The following CADM1 variants were observed in gnomAD, a reference collection of about 807,000 sequenced individuals.
CADM1 encodes the protein TSLC-1.
CADM1 carries 15 observed loss-of-function variants against 53.1 expected under a neutral mutation model. The observed-to-expected ratio is 0.28, with a 90% CI of 0.19 to 0.44. CADM1 has a LOEUF of 0.44. Ranked by LOEUF, CADM1 falls within the 20% of genes least tolerant of loss-of-function variation. CADM1 has a pLI of 1.00. For synonymous variants in CADM1, 281 were observed against 243.0 expected, an observed-to-expected ratio of 1.16 and a Z score of -1.45; for missense variants, 434 against 611.3, an observed-to-expected ratio of 0.71 and a Z score of 3.06.
Position 115,480,480 on chromosome 11 carries a change from G to A in CADM1, c.124+23791C>T, listed in dbSNP as rs140624839. 2.0e-5 allele frequency among the ~76,000 whole-genome samples: 3 copies of A among 152,232 alleles called. No homozygotes were observed. The East Asian group carries it at 5.8e-4, about 29-fold the overall frequency. On this transcript the variant is annotated intron_variant, in intron 1 of 11. Transcript: ENST00000331581. ...TTTACAAGATGAGGGAGTTCTGTGT[G>A]CTCTCTAAAGTCCCCTTCAGCTCTA...
At chr11:115,320,319 T>C (rs1320594130) in intron 1 of CADM1, among the ~76,000 whole-genome samples, 8 of 152,168 alleles carry the variant, frequency 5.3e-5, no homozygotes, top group Non-Finnish European at 1.0e-4. Flanking sequence ...CGTCTTGGCA[T>C]CCCAAAGTGC....
intron 1 of CADM1, among the ~76,000 whole-genome samples, chr11:115,306,741 T>G (rs1944385415): frequency 6.6e-6 from 1 of 151,962 alleles, no homozygotes; most frequent in African/African-American, 2.4e-5. Flanking sequence ...TAACCAAAGC[T>G]TTAATACAAG....
intron 1 of CADM1, among the ~76,000 whole-genome samples, chr11:115,475,057 G>A (rs1183951746): frequency 6.6e-6 from 1 of 152,076 alleles, no homozygotes; most frequent in African/African-American, 2.4e-5. Context: ...CAGTATTCAT[G>A]AGAGACTGGG....
intron 1 of CADM1, among the ~76,000 whole-genome samples, chr11:115,262,925 T>A (rs1172214743): frequency 6.6e-6 from 1 of 152,238 alleles, no homozygotes; most frequent in Non-Finnish European, 1.5e-5. Flanking sequence ...CTTATTTAGC[T>A]GTGGTACAGT....
Position 115,238,698 on chromosome 11 carries a change from A to G in CADM1, c.272-46T>C, listed in dbSNP as rs202111248. Reference sequence around the variant, plus strand: ...TTAGTGATTGTGAGAAGGTGGACGGACAGTCTATTTTCCTTAATTATTTAT... The same window carrying G: ...TTAGTGATTGTGAGAAGGTGGACGGGCAGTCTATTTTCCTTAATTATTTAT... On this transcript the variant is annotated intron_variant, in intron 2 of 11. Transcript: ENST00000331581. 80 of 1,590,108 alleles carry G rather than the reference A, an allele frequency of 5.0e-5. No homozygotes were observed. In the African/African-American group the frequency reaches 9.9e-4, roughly 20 times the overall value.
intron 7 of CADM1, among the ~76,000 whole-genome samples, chr11:115,213,763 A>C (rs1035036984): frequency 6.6e-6 from 1 of 152,228 alleles, no homozygotes; most frequent in African/African-American, 2.4e-5. Context: ...TATTTATAAC[A>C]CATTGAAATG....
chr11:115,410,609 G>C (rs955917873), intron 1 of CADM1, among the ~76,000 whole-genome samples: 1 of 152,072 alleles, frequency 6.6e-6, no homozygotes, highest in Non-Finnish European at 1.5e-5. Context: ...ATGACATACA[G>C]ATGACGGCAA....
intron 1 of CADM1, among the ~76,000 whole-genome samples, chr11:115,338,004 G>T (rs1354537626): frequency 6.6e-6 from 1 of 152,094 alleles, no homozygotes; most frequent in Non-Finnish European, 1.5e-5. Context: ...CCCTAAGTGG[G>T]TATCTCGGGT....
intron 1 of CADM1, among the ~76,000 whole-genome samples, chr11:115,496,522 A>G (rs1344407937): frequency 6.6e-6 from 1 of 152,162 alleles, no homozygotes; most frequent in Non-Finnish European, 1.5e-5. Context: ...GGAGTGGGAG[A>G]GCAATTGAGG....
At chr11:115,336,876 ACTCT>A (rs1945280701) in intron 1 of CADM1, among the ~76,000 whole-genome samples, 1 of 152,154 alleles carries the variant, frequency 6.6e-6, no homozygotes, top group African/African-American at 2.4e-5. Flanking sequence ...GTTGAAACAT[ACTCT>A]GTTGCTGTTA....
intron 1 of CADM1, among the ~76,000 whole-genome samples, chr11:115,280,255 G>A (rs1479100198): frequency 6.6e-6 from 1 of 152,082 alleles, no homozygotes; most frequent in Non-Finnish European, 1.5e-5. Flanking sequence ...GACTCTATTG[G>A]ACAATAGAGA....
intron 1 of CADM1, among the ~76,000 whole-genome samples, chr11:115,303,301 T>A (rs557277326): frequency 1.3e-5 from 2 of 152,166 alleles, no homozygotes; most frequent in African/African-American, 4.8e-5. Flanking sequence ...AGATTTTCTA[T>A]GCCTGCATTT....
At chr11:115,378,621 T>TAG (rs34959109) in intron 1 of CADM1, among the ~76,000 whole-genome samples, 2,280 of 152,310 alleles carry the variant, frequency 0.015, 75 homozygotes, top group African/African-American at 0.051. Context: ...TGTGCTTTTG[T>TAG]AGAGCCTGGA....
At position 115,174,814 on chromosome 11, in the gene CADM1, G is replaced by A. The variant is rs925348005; in HGVS notation, c.*1660C>T. The stretch of plus-strand genomic sequence containing the variant: ...CATAGGGACTGTTAGCTGGAGTCTG[G>A]AGTCTTACCAAACATATGGTAAGAG... On this transcript the variant is annotated 3_prime_UTR_variant, in exon 12 of 12. Transcript: ENST00000331581. 1.0e-6 allele frequency: 1 copy of A among 978,182 alleles called. No individual in the cohort carries two copies. Among genetic ancestry groups the A allele is most frequent in the Non-Finnish European group, 1.2e-6 (1 of 823,460 alleles). The allele number at this position is 978,182 out of a possible 1,614,324, so 60.6% of individuals were successfully genotyped here. A position where few individuals can be genotyped will look rare whatever the true frequency, so the allele number is the denominator to read the frequency against.
intron 1 of CADM1, among the ~76,000 whole-genome samples, chr11:115,384,907 C>G (rs754039552): frequency 3.3e-5 from 5 of 152,082 alleles, no homozygotes; most frequent in Non-Finnish European, 7.4e-5. Context: ...TAATTGAAAC[C>G]TTCTTTGAGA....
At chr11:115,278,169 T>C (rs1943493737) in intron 1 of CADM1, among the ~76,000 whole-genome samples, 1 of 151,142 alleles carries the variant, frequency 6.6e-6, no homozygotes, top group South Asian at 2.1e-4. Flanking sequence ...CCATGTGCAC[T>C]GTAATAAAGG....
chr11:115,503,970 T>G (rs1165341259), intron 1 of CADM1, among the ~76,000 whole-genome samples: 1 of 151,936 alleles, frequency 6.6e-6, no homozygotes, highest in Non-Finnish European at 1.5e-5. Flanking sequence ...CCCCATGCTT[T>G]ACAGCCCCCG....
chr11:115,365,842 A>T (rs1482950448), intron 1 of CADM1, among the ~76,000 whole-genome samples: 2 of 152,224 alleles, frequency 1.3e-5, no homozygotes, highest in Non-Finnish European at 2.9e-5. Flanking sequence ...TTAAACTAAG[A>T]ATCAATTTTT....
chr11:115,203,105 T>C lies in CADM1; in HGVS notation c.1079-4667A>G, dbSNP rs550493679. 2.6e-5 allele frequency among the ~76,000 whole-genome samples: 4 copies of C among 151,900 alleles called. No individual in the cohort carries two copies. In the South Asian group the frequency reaches 6.2e-4, roughly 24 times the overall value. ...TTGTTAAAGTCACCTCCCCTGTGAG[T>C]GAAGAGATTGTGTGCTACAGAACAG... On this transcript the variant is annotated intron_variant, in intron 8 of 11. Transcript: ENST00000331581.
Sources: gnomAD v4.1 joint callset for allele counts (sites outside exome capture counted in the v4.1 genomes callset) on GRCh38, gnomAD v4.1.1 for gene constraint, MANE v1.5 for transcripts, NCBI Gene and HGNC (gene_info 2026-07-23, HGNC 2026-07-21) for gene names.